INSR: variants seen among roughly 807,000 people sequenced by gnomAD.
INSR encodes the protein insulin receptor.
A neutral mutation model predicts 142.6 loss-of-function variants in INSR; 67 were observed. The observed-to-expected ratio is 0.47, with a 90% CI of 0.39 to 0.58. The LOEUF is 0.58. Among genes scored for constraint, INSR ranks in the 20% least tolerant of loss-of-function variants. The pLI is 0.00. For missense variants in INSR, 1,248 were observed against 1,833.2 expected (o/e 0.68, Z 5.83); for synonymous variants, 756 against 743.1 (o/e 1.02, Z -0.28).
At chr19:7,185,689 A>T (rs961118367) in intron 2 of INSR, among the ~76,000 whole-genome samples, 2 of 151,128 alleles carry the variant, frequency 1.3e-5, no homozygotes, top group African/African-American at 2.4e-5. Context: ...CTAAAAATAC[A>T]AAAATTAGCT....
In INSR at chr19:7,152,948, G is replaced by A. The variant is rs755272533; in HGVS notation, c.2030-21C>T. On this transcript the variant is annotated intron_variant, in intron 9 of 21. Transcript: ENST00000302850. The stretch of plus-strand genomic sequence containing the variant: ...CAGCCCTGGAGAAAGAAACAGAAAA[G>A]GGGGGCTCAAGTCTCTGCGGCTGAA... 4.4e-6 allele frequency: 7 copies of A among 1,594,404 alleles called. No homozygotes were observed. The East Asian group carries it at 1.1e-4, about 25-fold the overall frequency.
At chr19:7,243,234 GTTTTTTTTTTTTT>G (rs1161289283) in intron 2 of INSR, among the ~76,000 whole-genome samples, 1 of 68,178 alleles carries the variant, frequency 1.5e-5, no homozygotes, top group Non-Finnish European at 2.5e-5. Context: ...CACTGTTTTG[GTTTTTTTTTTTTT>G]TTTTTTTTTT....
chr19:7,161,350 C>T (rs1973744687), intron 9 of INSR, among the ~76,000 whole-genome samples: 1 of 151,848 alleles, frequency 6.6e-6, no homozygotes, highest in African/African-American at 2.4e-5. Context: ...GACTTGAACT[C>T]CTGGGCTCAA....
At chr19:7,234,825 C>T (rs1281454619) in intron 2 of INSR, among the ~76,000 whole-genome samples, 48 of 151,466 alleles carry the variant, frequency 3.2e-4, no homozygotes, top group Non-Finnish European at 4.4e-5. Context: ...TTTGGGAGGC[C>T]GAGGCGGGTG....
chr19:7,269,376 AACACACACACACACACAC>A lies in INSR; in HGVS notation c.101-1498_101-1481del, dbSNP rs60776874. 3.6e-4 allele frequency among the ~76,000 whole-genome samples: 48 copies of A among 134,784 alleles called. 1 individual carries two copies. The highest frequency in any genetic ancestry group is 3.6e-3 in the Middle Eastern group (1 of 278). 88.4% of individuals were successfully genotyped at this position (134,784 alleles called of 152,430 possible). A position where few individuals can be genotyped will look rare whatever the true frequency, so the allele number is the denominator to read the frequency against. On this transcript the variant is annotated intron_variant, in intron 1 of 21. Coordinates refer to ENST00000302850, the MANE Select transcript of INSR (RefSeq NM_000208.4). ...CAAATGGATTAGGCTAAGTCGAGAA[AACACACACACACACACAC>A]ACACACACACACACACACACACACA...
At chr19:7,154,589 A>G (rs959924512) in intron 9 of INSR, among the ~76,000 whole-genome samples, 1 of 146,586 alleles carries the variant, frequency 6.8e-6, no homozygotes, top group Non-Finnish European at 1.5e-5. Flanking sequence ...GGCGTGAGCC[A>G]CTGCACCCGG....
chr19:7,134,868 G>A (rs1972869001), intron 13 of INSR, among the ~76,000 whole-genome samples: 1 of 151,984 alleles, frequency 6.6e-6, no homozygotes, highest in African/African-American at 2.4e-5. Flanking sequence ...ATGGAGATTT[G>A]CAAAGTGGGA....
chr19:7,117,436 G>A (rs767072126), intron 21 of INSR, 26 bp from the exon 22 acceptor site: 12 of 1,574,146 alleles, frequency 7.6e-6, no homozygotes, highest in Non-Finnish European at 1.0e-5. Flanking sequence ...ACACGTCCTG[G>A]GTGAGTCTGG....
chr19:7,275,771 A>G (rs1266418049), intron 1 of INSR, among the ~76,000 whole-genome samples: 1 of 150,272 alleles, frequency 6.7e-6, no homozygotes, highest in African/African-American at 2.5e-5. Context: ...TGGATGACAG[A>G]GCGAGACTCC....
intron 2 of INSR, among the ~76,000 whole-genome samples, chr19:7,255,788 C>G (rs1157951579): frequency 6.6e-6 from 1 of 151,866 alleles, no homozygotes; most frequent in Admixed American, 6.6e-5. Flanking sequence ...CTATGTTGCC[C>G]AGGCTGAGCT....
At position 7,123,997 on chromosome 19, in the gene INSR, G is replaced by A. The variant is rs148248807; in HGVS notation, c.3259-1008C>T. ...AGCACTTTGGGAGGCCAAGGCAGGC[G>A]GATCATGAGGTCAGGAGATCGAGAC... On this transcript the variant is annotated intron_variant, in intron 17 of 21. Coordinates refer to ENST00000302850, the MANE Select transcript of INSR (RefSeq NM_000208.4). 4.7e-3 allele frequency among the ~76,000 whole-genome samples: 710 copies of A among 151,996 alleles called. 3 individuals carry two copies. Among genetic ancestry groups the A allele is most frequent in the African/African-American group, 0.015 (639 of 41,454 alleles).
intron 9 of INSR, among the ~76,000 whole-genome samples, chr19:7,158,750 A>T (rs1973676777): frequency 6.6e-6 from 1 of 152,178 alleles, no homozygotes; most frequent in South Asian, 2.1e-4. Context: ...TTATAATAAT[A>T]AATTGTATGT....
intron 2 of INSR, among the ~76,000 whole-genome samples, chr19:7,224,395 C>A (rs1244914034): frequency 6.6e-6 from 1 of 152,094 alleles, no homozygotes; most frequent in East Asian, 1.9e-4. Flanking sequence ...AGAATTTCCC[C>A]AGAGCACAAA....
chr19:7,263,242 GC>G (rs1312088576), intron 2 of INSR, among the ~76,000 whole-genome samples: 1 of 151,126 alleles, frequency 6.6e-6, no homozygotes, highest in South Asian at 2.1e-4. Context: ...TCACACCACT[GC>G]CCCCCAGCCT....
intron 1 of INSR, among the ~76,000 whole-genome samples, chr19:7,290,044 C>G (rs111960831): frequency 6.6e-6 from 1 of 152,166 alleles, no homozygotes; most frequent in Non-Finnish European, 1.5e-5. Flanking sequence ...AGCCCACACC[C>G]TGTGGTCTCT....
Position 7,223,473 on chromosome 19 carries a change from G to C in INSR, c.653-38836C>G, listed in dbSNP as rs572334472. Among the ~76,000 whole-genome samples, 3 of 152,290 alleles carry C rather than the reference G, an allele frequency of 2.0e-5. No homozygotes were observed. In the South Asian group the frequency reaches 6.2e-4, roughly 32 times the overall value. Reference sequence around the variant, plus strand: ...TACCTGGGCACACTGTGATGGTCCTGGCTAACCAGTAGCAGGTGGGCTTTT... The same window carrying C: ...TACCTGGGCACACTGTGATGGTCCTCGCTAACCAGTAGCAGGTGGGCTTTT... On this transcript the variant is annotated intron_variant, in intron 2 of 21. Coordinates refer to ENST00000302850, the MANE Select transcript of INSR (RefSeq NM_000208.4).
chr19:7,283,986 C>T (rs1968275829), intron 1 of INSR, among the ~76,000 whole-genome samples: 1 of 152,176 alleles, frequency 6.6e-6, no homozygotes. Context: ...TCACGGCCAA[C>T]AGTAATAGAA....
chr19:7,137,346 G>C (rs1460748250), intron 13 of INSR, among the ~76,000 whole-genome samples: 3 of 151,956 alleles, frequency 2.0e-5, no homozygotes, highest in Admixed American at 2.0e-4. Flanking sequence ...GGCACTGGAT[G>C]TCACATGACC....
At chr19:7,217,659 ATGCCATT>A (rs1975476611) in intron 2 of INSR, among the ~76,000 whole-genome samples, 1 of 152,128 alleles carries the variant, frequency 6.6e-6, no homozygotes, top group Non-Finnish European at 1.5e-5. Flanking sequence ...TCCCAGGTTC[ATGCCATT>A]CTCCTGCCTC....
Sources: allele counts gnomAD v4.1 joint callset (sites outside exome capture counted in the v4.1 genomes callset), GRCh38; gene constraint gnomAD v4.1.1; transcripts MANE v1.5; gene names NCBI Gene and HGNC (gene_info 2026-07-23, HGNC 2026-07-21).